FANK1: variants seen among roughly 807,000 people sequenced by gnomAD.
FANK1 encodes the protein fibronectin type III and ankyrin repeat domains 1.
Under a neutral mutation model 45.3 loss-of-function variants are expected in FANK1, and 44 were observed. The ratio of observed to expected loss-of-function variants is 0.97; its 90% confidence interval spans 0.76 to 1.25. FANK1 has a LOEUF of 1.25. Ranked by LOEUF, FANK1 falls within the 50% of genes most tolerant of loss-of-function variation. FANK1 has a pLI of 0.00. For synonymous variants in FANK1, 149 were observed against 152.5 expected (o/e 0.98, Z 0.17); for missense variants, 391 against 424.4 (o/e 0.92, Z 0.69).
chr10:125,949,208 C>A (rs1479447584), intron 1 of FANK1, among the ~76,000 whole-genome samples: 1 of 151,312 alleles, frequency 6.6e-6, no homozygotes, highest in Non-Finnish European at 1.5e-5. Flanking sequence ...AAAACTGGCA[C>A]AACACAGGGA....
intron 1 of FANK1, among the ~76,000 whole-genome samples, chr10:125,970,563 G>A (rs1182856207): frequency 6.6e-6 from 1 of 152,206 alleles, no homozygotes; most frequent in Admixed American, 6.5e-5. Flanking sequence ...CTGCAATCCC[G>A]GCGCCTCGGG....
chr10:125,997,436 G>C lies in FANK1; in HGVS notation c.490G>C (p.Val164Leu). 6.2e-7 allele frequency: 1 copy of C among 1,613,876 alleles called. No individual in the cohort carries two copies. The highest frequency in any genetic ancestry group is 1.1e-5 in the South Asian group (1 of 91,034). Reference sequence around the variant, plus strand: ...TTCCTTTAGGCTTGTGAAAATCCTAGTTTCTAATGGCACAGACGTGAATCT... The same window carrying C: ...TTCCTTTAGGCTTGTGAAAATCCTACTTTCTAATGGCACAGACGTGAATCT... Reference protein sequence around the residue: ...KGYTRLVKILVSNGTDVNLKN... With the variant: ...KGYTRLVKILLSNGTDVNLKN... The change falls in exon 6 of 11, where the codon GTT (valine) becomes CTT (leucine). Residue 164 changes from valine (V) to leucine (L), a missense_variant. Coordinates refer to ENST00000368693, the MANE Select transcript of FANK1 (RefSeq NM_145235.5).
intron 3 of FANK1, among the ~76,000 whole-genome samples, chr10:125,991,250 GGT>G (rs113257579): frequency 1.9e-4 from 28 of 145,966 alleles, no homozygotes; most frequent in Non-Finnish European, 3.3e-4. Flanking sequence ...GGTGACCAGG[GGT>G]GTGTGTGTGT....
chr10:125,955,030 G>A (rs11244719), intron 1 of FANK1, among the ~76,000 whole-genome samples: 60,416 of 151,772 alleles, frequency 0.4, 12,277 homozygotes, highest in Non-Finnish European at 0.44. Flanking sequence ...AGCAGCAATC[G>A]CTTTAGCATT....
chr10:125,912,533 G>A lies in FANK1; in HGVS notation c.13+15878G>A, dbSNP rs1589817285. ...GGAAAGAAACAGCTCTCTTAAAAAT[G>A]TCAGCAACTTCAATTCATTGCTTTT... is the stretch of plus-strand genomic sequence containing the variant. On this transcript the variant is annotated intron_variant, in intron 1 of 10. Transcript: ENST00000368693. Among the ~76,000 whole-genome samples, 3 of 151,936 alleles carry A rather than the reference G, an allele frequency of 2.0e-5. No individual in the cohort carries two copies. The South Asian group carries it at 6.2e-4, about 32-fold the overall frequency.
At chr10:125,995,643 T>A in intron 4 of FANK1, 145 bp downstream of exon 4, 1 of 676,348 alleles carries the variant, frequency 1.5e-6, no homozygotes, top group Non-Finnish European at 2.7e-6. Context: ...TGGTGTGAGT[T>A]AATAAACCAC....
intron 1 of FANK1, among the ~76,000 whole-genome samples, chr10:125,968,084 T>C (rs1050903880): frequency 6.6e-6 from 1 of 152,070 alleles, no homozygotes; most frequent in African/African-American, 2.4e-5. Flanking sequence ...TTTCTTCTTT[T>C]TTTTTTTTCT....
At chr10:125,957,380 G>C (rs1949646501) in intron 1 of FANK1, among the ~76,000 whole-genome samples, 1 of 151,134 alleles carries the variant, frequency 6.6e-6, no homozygotes, top group Admixed American at 6.6e-5. Flanking sequence ...CCTTTGTTAG[G>C]GCTCTTTGTT....
At chr10:125,916,672 A>G (rs542556867) in intron 1 of FANK1, among the ~76,000 whole-genome samples, 23 of 152,330 alleles carry the variant, frequency 1.5e-4, no homozygotes, top group African/African-American at 5.1e-4. Context: ...GACACATGCT[A>G]CACCATGGAT....
At chr10:125,929,874 A>T (rs992136148) in intron 1 of FANK1, among the ~76,000 whole-genome samples, 2 of 152,164 alleles carry the variant, frequency 1.3e-5, no homozygotes, top group African/African-American at 4.8e-5. Flanking sequence ...GAAGAGGATG[A>T]AGTAAAGTTA....
At chr10:125,911,673 G>A (rs61870872) in intron 1 of FANK1, among the ~76,000 whole-genome samples, 1 of 151,924 alleles carries the variant, frequency 6.6e-6, no homozygotes, top group Non-Finnish European at 1.5e-5. Context: ...TACCTCTTTC[G>A]CACAGCCTCC....
intron 1 of FANK1, 147 bp from the exon 2 acceptor site, chr10:125,980,014 G>T: frequency 1.3e-6 from 1 of 775,200 alleles, no homozygotes; most frequent in Admixed American, 2.6e-5. Context: ...CTTTTCAGGG[G>T]TTCTTTAAGC....
intron 1 of FANK1, chr10:125,907,449 T>C: frequency 1.0e-6 from 1 of 981,958 alleles, no homozygotes. Context: ...GATCTCTTCC[T>C]TTTTTAGTGT....
At chr10:126,005,468 C>G (rs1215669087) in intron 7 of FANK1, among the ~76,000 whole-genome samples, 2 of 152,038 alleles carry the variant, frequency 1.3e-5, no homozygotes, top group South Asian at 4.1e-4. Context: ...CCACCATGCC[C>G]AACTAATTTT....
At chr10:125,953,113 T>C (rs925298597) in intron 1 of FANK1, among the ~76,000 whole-genome samples, 1 of 152,174 alleles carries the variant, frequency 6.6e-6, no homozygotes, top group Non-Finnish European at 1.5e-5. Context: ...AGAGTTTGGG[T>C]CAGTAGGACT....
intron 1 of FANK1, among the ~76,000 whole-genome samples, chr10:125,901,491 C>T (rs915596999): frequency 1.2e-4 from 19 of 152,196 alleles, no homozygotes; most frequent in Admixed American, 1.2e-3. Context: ...GCCAAAAGCC[C>T]TCCAAAGTCC....
At chr10:125,982,871 A>G (rs967202474) in intron 2 of FANK1, among the ~76,000 whole-genome samples, 1 of 149,988 alleles carries the variant, frequency 6.7e-6, no homozygotes, top group African/African-American at 2.4e-5. Context: ...CCCAGCTCCT[A>G]CACCTGCCCA....
At chr10:125,961,341 G>A (rs553670864) in intron 1 of FANK1, among the ~76,000 whole-genome samples, 2 of 151,874 alleles carry the variant, frequency 1.3e-5, no homozygotes, top group South Asian at 4.2e-4. Flanking sequence ...AACCCCTGGG[G>A]TCAAATGATT....
chr10:125,907,572 A>ATG lies in FANK1; in HGVS notation c.13+10939_13+10940dup, dbSNP rs56736210. 2.2e-3 allele frequency: 1,518 copies of ATG among 699,440 alleles called. 2 individuals carry two copies. Among genetic ancestry groups the ATG allele is most frequent in the East Asian group, 0.012 (90 of 7,770 alleles). The allele number at this position is 699,440 out of a possible 1,614,324, so 43.3% of individuals were successfully genotyped here. ...AATGTGATGGGTTGTTACTCCTGGG[A>ATG]TGTGTGTGTGTGTGTGTGTGTGTAT... is the stretch of plus-strand genomic sequence containing the variant. On this transcript the variant is annotated intron_variant, in intron 1 of 10. Transcript: ENST00000368693.
Sources: allele counts gnomAD v4.1 joint callset (sites outside exome capture counted in the v4.1 genomes callset), GRCh38; gene constraint gnomAD v4.1.1; transcripts MANE v1.5; gene names NCBI Gene and HGNC (gene_info 2026-07-23, HGNC 2026-07-21).